GIT1: variants seen among roughly 807,000 people sequenced by gnomAD.
GIT1 encodes the protein GIT ArfGAP 1.
In GIT1, 14 loss-of-function variants were observed where a neutral mutation model predicts 91.7. The observed-to-expected ratio is 0.15, with a 90% confidence interval of 0.10 to 0.24. The LOEUF (loss-of-function observed/expected upper bound fraction) is 0.24. GIT1 is among the 10% of genes least tolerant of loss of function. The probability of loss-of-function intolerance (pLI) is 1.00; values close to 1 mark genes in which losing one functional copy is unlikely to be tolerated. For synonymous variants in GIT1, 414 were observed against 418.2 expected, an observed-to-expected ratio of 0.99 and a Z score of 0.12; for missense variants, 717 against 1,024.9, an observed-to-expected ratio of 0.70 and a Z score of 4.10.
intron 1 of GIT1, 133 bp from the exon 2 acceptor site, chr17:29,583,749 G>A: frequency 3.0e-6 from 3 of 1,014,344 alleles, no homozygotes; most frequent in Non-Finnish European, 4.2e-6. Flanking sequence ...CTAGGAGCTG[G>A]GACCATCACT....
In GIT1 at chr17:29,575,398, T is replaced by A; in HGVS notation, c.1899A>T (p.Gly633=). The A allele has an allele frequency of 6.2e-7, 1 of 1,613,558 alleles. No individual in the cohort carries two copies. The highest frequency in any genetic ancestry group is 8.5e-7 in the Non-Finnish European group (1 of 1,179,692). The change falls in exon 18 of 20, where the codon GGA becomes GGT. Residue 633 remains glycine, a synonymous_variant. Transcript: ENST00000225394. The surrounding 1 kb of genome is among the most constrained non-coding windows in gnomAD (Gnocchi z 5.5). ...DFHPELESLD[G]DLDPGLPSTE... is the part of the protein sequence containing the mutation. The stretch of plus-strand genomic sequence containing the variant: ...TGCTGGGAAGCCCAGGATCTAGGTC[T>A]CCATCCAGGCTTTCCAGCTCTGGGT...
chr17:29,580,076 C>T (rs1369556765), intron 7 of GIT1, among the ~76,000 whole-genome samples: 2 of 152,182 alleles, frequency 1.3e-5, no homozygotes, highest in Admixed American at 1.3e-4. Flanking sequence ...GCCTCTGCCT[C>T]TCTTGCTGCA....
Position 29,574,934 on chromosome 17 carries a change from G to A in GIT1, c.2074-20C>T. 6.5e-7 allele frequency: 1 copy of A among 1,541,070 alleles called. No individual in the cohort carries two copies. Among genetic ancestry groups the A allele is most frequent in the Non-Finnish European group, 8.8e-7 (1 of 1,139,686 alleles). ...TGGCCTCTGGAGGGGGCAGGAGTGA[G>A]GCTGGACCTTGGACTTTAAGCCACC... On this transcript the variant is annotated intron_variant, in intron 19 of 19. Transcript: ENST00000225394.
In GIT1 at chr17:29,577,149, C is replaced by G; in HGVS notation, c.1080G>C (p.Leu360=). 2 of 1,613,838 alleles carry G rather than the reference C, an allele frequency of 1.2e-6. No individual in the cohort carries two copies. The highest frequency in any genetic ancestry group is 2.2e-5 in the East Asian group (1 of 44,872). Residue 360 remains leucine (L), a synonymous_variant, in exon 11 of 20, where the codon CTG becomes CTC. Transcript: ENST00000225394. The part of the protein sequence containing the change: ...EAKRRQQGKS[L]SSPTDNLELS... ...CAACCCTCCCACCTGTGGGGCTGCT[C>G]AGGCTCTTGCCCTGCTGTCTCCGCT...
chr17:29,575,562 T>A lies in GIT1; in HGVS notation c.1826+68A>T. ...GCCGCCCGCCTTGGTCCTCACACAC[T>A]GGGGGCCCTCTCAACCTCCCCGCCT... On this transcript the variant is annotated intron_variant, in intron 17 of 19. Transcript: ENST00000225394. This position sits in a 1 kb window ranked among gnomAD's most constrained non-coding sequence, Gnocchi z 5.5. 6.4e-7 allele frequency: 1 copy of A among 1,566,470 alleles called. No homozygotes were observed. The highest frequency in any genetic ancestry group is 1.4e-5 in the African/African-American group (1 of 74,046).
intron 1 of GIT1, among the ~76,000 whole-genome samples, chr17:29,584,903 C>A (rs2033537037): frequency 6.6e-6 from 1 of 152,024 alleles, no homozygotes; most frequent in Admixed American, 6.5e-5. Flanking sequence ...GCAAGTGACC[C>A]CCACTGAGGC....
rs2033077320 is a variant in GIT1 at position 29,573,838 on chromosome 17, GA to G, written c.*863del. ...CCCCCTCCACGCAGGAGCAGGAGGA[GA>G]TGGAGGGAAGTGGTTTTTGATTTAA... On this transcript the variant is annotated 3_prime_UTR_variant, in exon 20 of 20. Coordinates refer to ENST00000225394, the MANE Select transcript of GIT1 (RefSeq NM_014030.4). 1 of 152,734 alleles carries G rather than the reference GA, an allele frequency of 6.5e-6. No homozygotes were observed. The highest frequency in any genetic ancestry group is 2.4e-5 in the African/African-American group (1 of 41,446). The allele number at this position is 152,734 out of a possible 1,614,324, so 9.5% of individuals were successfully genotyped here. A position where few individuals can be genotyped will look rare whatever the true frequency, so the allele number is the denominator to read the frequency against.
intron 10 of GIT1, 100 bp downstream of exon 10, chr17:29,577,544 CA>C (rs2150831331): frequency 1.2e-6 from 1 of 826,006 alleles, no homozygotes; most frequent in East Asian, 2.4e-5. Flanking sequence ...GAGGCCCTGG[CA>C]AATGCTGGAG....
chr17:29,584,443 GAGA>G (rs2033513075), intron 1 of GIT1, among the ~76,000 whole-genome samples: 1 of 152,228 alleles, frequency 6.6e-6, no homozygotes, highest in African/African-American at 2.4e-5. Context: ...GTGAACTTGG[GAGA>G]AGAAGCAGGG....
Position 29,581,674 on chromosome 17 carries a change from G to T in GIT1, c.718+68C>A. On this transcript the variant is annotated intron_variant, in intron 6 of 19. Coordinates refer to ENST00000225394, the MANE Select transcript of GIT1 (RefSeq NM_014030.4). This position sits in a 1 kb window ranked among gnomAD's most constrained non-coding sequence, Gnocchi z 4.8. ...CACCATGGCACCTGCTGCCGGGTGCGTCCAGGTCCCACCTGCCCAGCCCCA... is the reference window on the plus strand; with the variant it reads ...CACCATGGCACCTGCTGCCGGGTGCTTCCAGGTCCCACCTGCCCAGCCCCA... 1 of 1,255,620 alleles carries T rather than the reference G, an allele frequency of 8.0e-7. No homozygotes were observed. Among genetic ancestry groups the T allele is most frequent in the Non-Finnish European group, 1.2e-6 (1 of 869,000 alleles). The allele number at this position is 1,255,620 out of a possible 1,614,324, so 77.8% of individuals were successfully genotyped here.
At chr17:29,588,106 C>T (rs957206722) in intron 1 of GIT1, among the ~76,000 whole-genome samples, 5 of 152,196 alleles carry the variant, frequency 3.3e-5, no homozygotes, top group Non-Finnish European at 7.3e-5. Context: ...CCCCCAGAAC[C>T]ACCAGAGCAT....
At chr17:29,578,636 GTCA>G (rs1242737614) in intron 8 of GIT1, 92 bp downstream of exon 8, 2 of 1,153,944 alleles carry the variant, frequency 1.7e-6, no homozygotes, top group South Asian at 2.4e-5. Context: ...CTTGGAAAAG[GTCA>G]TCGAGTCAGA....
In GIT1 at chr17:29,589,297, C is replaced by T; in HGVS notation, c.52+30G>A. 2.0e-6 allele frequency: 2 copies of T among 982,302 alleles called. No homozygotes were observed. The highest frequency in any genetic ancestry group is 2.4e-6 in the Non-Finnish European group (2 of 823,548). The allele number at this position is 982,302 out of a possible 1,614,324, so 60.8% of individuals were successfully genotyped here. ...CCCGCCCGGCGGCGGCCTGGCTGTG[C>T]GGTCCCGCCCCCGGCCCCGCCGCGC... On this transcript the variant is annotated intron_variant, in intron 1 of 19. Coordinates refer to ENST00000225394, the MANE Select transcript of GIT1 (RefSeq NM_014030.4). This position sits in a 1 kb window ranked among gnomAD's most constrained non-coding sequence, Gnocchi z 5.2.
At chr17:29,583,708 C>T (rs1371766905) in intron 1 of GIT1, 92 bp from the exon 2 acceptor site, 3 of 1,355,582 alleles carry the variant, frequency 2.2e-6, no homozygotes, top group Non-Finnish European at 3.0e-6. Context: ...CTAGTACTCT[C>T]CACACATTCA....
Position 29,581,957 on chromosome 17 carries a change from A to T in GIT1, c.593T>A (p.Val198Asp). Residue 198 changes from valine to aspartate, a missense_variant, in exon 5 of 20, where the codon GTT becomes GAT. This residue lies in a region of GIT1 where 271 missense variants were observed against 451.6 expected (regional missense o/e 0.60). Transcript: ENST00000225394. This position sits in a 1 kb window ranked among gnomAD's most constrained non-coding sequence, Gnocchi z 4.8. ...VYGADPGSPDVNGRTPIDYAR... is the reference protein window; with the variant it reads ...VYGADPGSPDDNGRTPIDYAR... ...ATAGTCAATGGGTGTGCGGCCATTAACATCAGGGGAGCCAGGGTCAGCCCC... is the reference window on the plus strand; with the variant it reads ...ATAGTCAATGGGTGTGCGGCCATTATCATCAGGGGAGCCAGGGTCAGCCCC... 6.2e-7 allele frequency: 1 copy of T among 1,612,920 alleles called. No homozygotes were observed. Among genetic ancestry groups the T allele is most frequent in the East Asian group, 2.2e-5 (1 of 44,878 alleles).
At chr17:29,582,636 CAG>C (rs766024574) in intron 4 of GIT1, 60 bp downstream of exon 4, 98 of 1,163,836 alleles carry the variant, frequency 8.4e-5, no homozygotes, top group Non-Finnish European at 1.2e-4. Context: ...GAGAGGCCTT[CAG>C]AGAGTCGTGG....
intron 1 of GIT1, chr17:29,583,838 T>C (rs2033487792): frequency 8.6e-6 from 5 of 578,294 alleles, no homozygotes; most frequent in Non-Finnish European, 1.5e-5. Context: ...TCCTACATCC[T>C]TACCCCTCTG....
chr17:29,580,755 A>C (rs1176571806), intron 7 of GIT1, among the ~76,000 whole-genome samples: 1 of 150,834 alleles, frequency 6.6e-6, no homozygotes, highest in African/African-American at 2.4e-5. Flanking sequence ...TCCCAGCCGG[A>C]GGTAGCTTCT....
Position 29,582,728 on chromosome 17 carries a change from A to T in GIT1, c.375T>A (p.Asp125Glu). The T allele has an allele frequency of 1.9e-6, 3 of 1,613,558 alleles. No homozygotes were observed. Among genetic ancestry groups the T allele is most frequent in the Non-Finnish European group, 2.5e-6 (3 of 1,179,836 alleles). ...AFVHKLPCRD[D>E]DGVTAKDLSK... ...TGAGGTCTTTGGCGGTGACTCCATC[A>T]TCGTCCCGGCAGGGAAGCTTGTGCA... Residue 125 changes from aspartate to glutamate, a missense_variant, in exon 4 of 20, where the codon GAT (aspartate) becomes GAA (glutamate). Asp to Glu is a conservative substitution (Grantham distance 45). This residue lies in a region of GIT1 where 271 missense variants were observed against 451.6 expected (regional missense o/e 0.60). Coordinates refer to ENST00000225394, the MANE Select transcript of GIT1 (RefSeq NM_014030.4).
Sources: gnomAD v4.1 joint callset for allele counts (sites outside exome capture counted in the v4.1 genomes callset) on GRCh38, gnomAD v4.1.1 for gene constraint, gnomAD v4.1.1 regional missense constraint, Gnocchi (gnomAD v3.1) non-coding constraint, MANE v1.5 for transcripts, NCBI Gene and HGNC (gene_info 2026-07-23, HGNC 2026-07-21) for gene names.